Variants in SLC16A1 observed in about 807,000 individuals in gnomAD.
SLC16A1 encodes the protein monocarboxylate transporter 1.
SLC16A1 carries 11 observed loss-of-function variants against 32.2 expected under a neutral mutation model. That is an observed-to-expected ratio of 0.34 (90% CI 0.21 to 0.56). The LOEUF (loss-of-function observed/expected upper bound fraction) is 0.56. Ranked by LOEUF, SLC16A1 falls within the 20% of genes least tolerant of loss-of-function variation. The pLI is 0.87. For missense variants in SLC16A1, 435 were observed against 615.0 expected (o/e 0.71, Z 3.10); for synonymous variants, 231 against 226.8 (o/e 1.02, Z -0.17).
intron 1 of SLC16A1, among the ~76,000 whole-genome samples, chr1:112,937,737 T>A (rs1465036282): frequency 6.6e-6 from 1 of 152,068 alleles, no homozygotes; most frequent in Non-Finnish European, 1.5e-5. Flanking sequence ...GACTAAAGTT[T>A]AAGATTTTAA....
chr1:112,926,561 T>C (rs1338962251), intron 2 of SLC16A1, among the ~76,000 whole-genome samples: 1 of 151,978 alleles, frequency 6.6e-6, no homozygotes, highest in Non-Finnish European at 1.5e-5. Flanking sequence ...CATAAGACTT[T>C]GTACAGTTAG....
At position 112,913,679 on chromosome 1, in the gene SLC16A1, T is replaced by C. The variant is rs1648400204; in HGVS notation, c.*212A>G. 1 of 611,026 alleles carries C rather than the reference T, an allele frequency of 1.6e-6. No homozygotes were observed. Among genetic ancestry groups the C allele is most frequent in the South Asian group, 1.9e-5 (1 of 51,530 alleles). The allele number at this position is 611,026 out of a possible 1,614,324, so 37.9% of individuals were successfully genotyped here. A position where few individuals can be genotyped will look rare whatever the true frequency, so the allele number is the denominator to read the frequency against. On this transcript the variant is annotated 3_prime_UTR_variant, in exon 5 of 5. Coordinates refer to ENST00000369626, the MANE Select transcript of SLC16A1 (RefSeq NM_003051.4). ...AACAAAACAAAACAGAACCTACTTC[T>C]TTCCCCCATCCTTTGCTACCAATCA...
chr1:112,917,825 A>G lies in SLC16A1; in HGVS notation c.581T>C (p.Leu194Pro). The G allele has an allele frequency of 6.2e-7, 1 of 1,614,132 alleles. No individual in the cohort carries two copies. Among genetic ancestry groups the G allele is most frequent in the Non-Finnish European group, 8.5e-7 (1 of 1,180,026 alleles). ...TGGCTTGGGCCCGATTGGTCGCATG[A>G]GGGCTCCAGCAACACAGCAGTTTAG... is the stretch of plus-strand genomic sequence containing the variant. Reference protein sequence around the residue: ...LLLNCCVAGALMRPIGPKPTK... With the variant: ...LLLNCCVAGAPMRPIGPKPTK... Residue 194 changes from leucine to proline, a missense_variant, in exon 4 of 5, where the codon CTC becomes CCC. Physicochemically the swap from Leu to Pro is moderately conservative, Grantham distance 98 (BLOSUM62 -3). Coordinates refer to ENST00000369626, the MANE Select transcript of SLC16A1 (RefSeq NM_003051.4). The surrounding 1 kb of genome is among the most constrained non-coding windows in gnomAD (Gnocchi z 4.1).
At chr1:112,950,002 A>T (rs1177733181) in intron 1 of SLC16A1, among the ~76,000 whole-genome samples, 3 of 152,236 alleles carry the variant, frequency 2.0e-5, no homozygotes, top group African/African-American at 7.2e-5. Context: ...ATTTCAAGAT[A>T]GCTATAACAG....
At chr1:112,929,429 G>A in intron 1 of SLC16A1, 77 bp from the exon 2 acceptor site, 1 of 828,456 alleles carries the variant, frequency 1.2e-6, no homozygotes, top group Admixed American at 2.0e-5. Context: ...AAGAAATATA[G>A]CCAATCGTGG....
chr1:112,951,210 A>T (rs1027979519), intron 1 of SLC16A1, among the ~76,000 whole-genome samples: 1 of 152,080 alleles, frequency 6.6e-6, no homozygotes, highest in Non-Finnish European at 1.5e-5. Context: ...AAAATATATA[A>T]ACTAGGTAGC....
chr1:112,914,567 A>C (rs1190034554), intron 4 of SLC16A1, among the ~76,000 whole-genome samples: 1 of 152,224 alleles, frequency 6.6e-6, no homozygotes, highest in Non-Finnish European at 1.5e-5. Context: ...AGCATTTCCC[A>C]AAGAGTATTC....
rs151166713 is a variant in SLC16A1, at chr1:112,914,109, C to G, written c.1285G>C (p.Val429Leu). Residue 429 changes from valine (V) to leucine (L), a missense_variant, in exon 5 of 5, where the codon GTC (valine) becomes CTC (leucine). Val to Leu is a conservative substitution (Grantham distance 32). Coordinates refer to ENST00000369626, the MANE Select transcript of SLC16A1 (RefSeq NM_003051.4). Reference sequence around the variant, plus strand: ...AGATAGATACCTGAAATAATTAGGACGACGCCACATGCCCAGTATGTGTAT... The same window carrying G: ...AGATAGATACCTGAAATAATTAGGAGGACGCCACATGCCCAGTATGTGTAT... ...YKYTYWACGVVLIISGIYLFI... is the reference protein window; with the variant it reads ...YKYTYWACGVLLIISGIYLFI... 6.2e-7 allele frequency: 1 copy of G among 1,614,000 alleles called. No individual in the cohort carries two copies. Among genetic ancestry groups the G allele is most frequent in the Non-Finnish European group, 8.5e-7 (1 of 1,180,024 alleles).
At chr1:112,947,975 T>C (rs993307897) in intron 1 of SLC16A1, among the ~76,000 whole-genome samples, 2 of 152,176 alleles carry the variant, frequency 1.3e-5, no homozygotes, top group Non-Finnish European at 2.9e-5. Context: ...TCCCAGCACT[T>C]TGGGAGGCCA....
rs960239178 is a variant in SLC16A1 at position 112,917,464 on chromosome 1, T to C, written c.942A>G (p.Pro314=). ...TTGTGTTGGCTACAAGTCCCATAGA[T>C]GGTCGGGCTACCATGTCAACAAAAG... ...ILAFVDMVAR[P]SMGLVANTKP... Residue 314 remains proline, a synonymous_variant, in exon 4 of 5, where the codon CCA becomes CCG. Transcript: ENST00000369626. This position sits in a 1 kb window ranked among gnomAD's most constrained non-coding sequence, Gnocchi z 4.1. 5 of 1,614,018 alleles carry C rather than the reference T, an allele frequency of 3.1e-6. No individual in the cohort carries two copies. The highest frequency in any genetic ancestry group is 3.3e-5 in the Admixed American group (2 of 60,002).
At chr1:112,921,171 G>T (rs1249251798) in intron 3 of SLC16A1, among the ~76,000 whole-genome samples, 1 of 151,688 alleles carries the variant, frequency 6.6e-6, no homozygotes, top group African/African-American at 2.4e-5. Context: ...AGAAAATAAG[G>T]ATTAAAACCA....
At chr1:112,947,809 T>C (rs1649754296) in intron 1 of SLC16A1, among the ~76,000 whole-genome samples, 1 of 152,202 alleles carries the variant, frequency 6.6e-6, no homozygotes, top group Non-Finnish European at 1.5e-5. Context: ...TAAGTTGTTT[T>C]GTTTTCTTGT....
At chr1:112,934,816 T>C (rs1047897834) in intron 1 of SLC16A1, among the ~76,000 whole-genome samples, 5 of 152,158 alleles carry the variant, frequency 3.3e-5, no homozygotes, top group African/African-American at 1.2e-4. Context: ...TTGTTGTTCT[T>C]CCAGAGATAC....
At chr1:112,953,050 C>T (rs1365258528) in intron 1 of SLC16A1, among the ~76,000 whole-genome samples, 1 of 152,176 alleles carries the variant, frequency 6.6e-6, no homozygotes, top group Non-Finnish European at 1.5e-5. Context: ...TGGTCTCACA[C>T]CACTCCAACA....
chr1:112,947,058 C>T (rs1361426173), intron 1 of SLC16A1, among the ~76,000 whole-genome samples: 2 of 152,128 alleles, frequency 1.3e-5, no homozygotes. Context: ...ACCCATTTCA[C>T]ATTTTATAAA....
intron 1 of SLC16A1, among the ~76,000 whole-genome samples, chr1:112,940,800 TAGTC>T (rs567372182): frequency 1.1e-3 from 169 of 152,348 alleles, no homozygotes; most frequent in African/African-American, 3.7e-3. Context: ...TTACTATTTT[TAGTC>T]AGTTAAAAAA....
chr1:112,917,811 C>T lies in SLC16A1; in HGVS notation c.595G>A (p.Gly199Arg), dbSNP rs749840749. The T allele has an allele frequency of 5.0e-6, 8 of 1,613,974 alleles. No individual in the cohort carries two copies. In the Admixed American group the frequency reaches 6.7e-5, roughly 13 times the overall value. Reference protein sequence around the residue: ...CVAGALMRPIGPKPTKAGKDK... With the variant: ...CVAGALMRPIRPKPTKAGKDK... ...TTCCCTGCCTTGGTTGGCTTGGGCC[C>T]GATTGGTCGCATGAGGGCTCCAGCA... The change falls in exon 4 of 5, where the codon GGG becomes AGG. Residue 199 changes from glycine to arginine, a missense_variant. Physicochemically the swap from Gly to Arg is moderately radical, Grantham distance 125. Coordinates refer to ENST00000369626, the MANE Select transcript of SLC16A1 (RefSeq NM_003051.4). The surrounding 1 kb of genome is among the most constrained non-coding windows in gnomAD (Gnocchi z 4.1).
rs753692798 is a variant in SLC16A1 at position 112,917,461 on chromosome 1, A to C, written c.945T>G (p.Ser315=). ...LAFVDMVARP[S]MGLVANTKPI... Reference sequence around the variant, plus strand: ...GCTTTGTGTTGGCTACAAGTCCCATAGATGGTCGGGCTACCATGTCAACAA... The same window carrying C: ...GCTTTGTGTTGGCTACAAGTCCCATCGATGGTCGGGCTACCATGTCAACAA... The change falls in exon 4 of 5, where the codon TCT becomes TCG. Residue 315 remains serine (S), a synonymous_variant. Coordinates refer to ENST00000369626, the MANE Select transcript of SLC16A1 (RefSeq NM_003051.4). This position sits in a 1 kb window ranked among gnomAD's most constrained non-coding sequence, Gnocchi z 4.1. The C allele has an allele frequency of 1.2e-6, 2 of 1,614,218 alleles. No homozygotes were observed. The highest frequency in any genetic ancestry group is 1.7e-6 in the Non-Finnish European group (2 of 1,180,034).
At chr1:112,940,039 A>ATTT (rs55864843) in intron 1 of SLC16A1, among the ~76,000 whole-genome samples, 11 of 108,614 alleles carry the variant, frequency 1.0e-4, no homozygotes, top group African/African-American at 3.0e-4. Flanking sequence ...CTGATGGGTG[A>ATTT]TTTTTTTTTT....
Sources: gnomAD v4.1 joint callset for allele counts (sites outside exome capture counted in the v4.1 genomes callset) on GRCh38, gnomAD v4.1.1 for gene constraint, Gnocchi (gnomAD v3.1) non-coding constraint, MANE v1.5 for transcripts, NCBI Gene and HGNC (gene_info 2026-07-23, HGNC 2026-07-21) for gene names.